Variants in ZNF714 observed in about 807,000 individuals in gnomAD.
ZNF714 encodes zinc finger protein 714.
A neutral mutation model predicts 46.2 loss-of-function variants in ZNF714; 32 were observed. The observed-to-expected ratio is 0.69, with a 90% CI of 0.52 to 0.93. ZNF714 has a LOEUF of 0.93. Ranked by LOEUF, ZNF714 falls within the 40% of genes least tolerant of loss-of-function variation. The pLI, the probability that ZNF714 is intolerant of heterozygous loss-of-function variation, is 0.00. For synonymous variants in ZNF714, 199 were observed against 213.1 expected, an observed-to-expected ratio of 0.93 and a Z score of 0.58; for missense variants, 635 against 646.3, an observed-to-expected ratio of 0.98 and a Z score of 0.19.
intron 4 of ZNF714, among the ~76,000 whole-genome samples, chr19:21,104,214 T>C (rs1443685560): frequency 7.0e-6 from 1 of 141,898 alleles, no homozygotes; most frequent in Non-Finnish European, 1.5e-5. Flanking sequence ...TTAATTATGA[T>C]AATATTTGAT....
intron 4 of ZNF714, among the ~76,000 whole-genome samples, chr19:21,105,311 G>C (rs143096165): frequency 6.6e-6 from 1 of 151,544 alleles, no homozygotes; most frequent in African/African-American, 2.4e-5. Context: ...GTGAGCCACC[G>C]GGCCTGGCCT....
At chr19:21,086,242 T>C (rs1245235462) in intron 2 of ZNF714, among the ~76,000 whole-genome samples, 1 of 152,170 alleles carries the variant, frequency 6.6e-6, no homozygotes, top group Non-Finnish European at 1.5e-5. Flanking sequence ...TGCAGAGTTC[T>C]TACTAGAACA....
In ZNF714 at chr19:21,124,966, G is replaced by A. The variant is rs1599560491; in HGVS notation, c.*6634G>A. On this transcript the variant is annotated 3_prime_UTR_variant, in exon 5 of 5. Coordinates refer to ENST00000456283, the MANE Select transcript of ZNF714 (RefSeq NM_182515.4). Reference sequence around the variant, plus strand: ...TTTTTTTTTTTTTTTTTAAGGCCAGGTGTGGTGTCTTACACCTGTAATCCC... The same window carrying A: ...TTTTTTTTTTTTTTTTTAAGGCCAGATGTGGTGTCTTACACCTGTAATCCC... 1 of 145,824 alleles carries A rather than the reference G, an allele frequency of 6.9e-6. No individual in the cohort carries two copies. The highest frequency in any genetic ancestry group is 2.1e-4 in the South Asian group (1 of 4,678). 9.0% of individuals were successfully genotyped at this position (145,824 alleles called of 1,614,324 possible).
chr19:21,098,764 G>A (rs1229587512), intron 3 of ZNF714, 48 bp from the exon 4 acceptor site: 12 of 1,351,742 alleles, frequency 8.9e-6, no homozygotes, highest in Non-Finnish European at 1.2e-5. Flanking sequence ...TACTAGGTTG[G>A]TAACTAGAGA....
At chr19:21,110,150 T>C (rs1969418068) in intron 4 of ZNF714, among the ~76,000 whole-genome samples, 1 of 152,250 alleles carries the variant, frequency 6.6e-6, no homozygotes, top group South Asian at 2.1e-4. Flanking sequence ...TATCTGGTTC[T>C]AGGTCTTTGA....
chr19:21,082,543 C>A (rs1471725195), intron 1 of ZNF714, among the ~76,000 whole-genome samples, 195 bp downstream of exon 1: 3 of 152,088 alleles, frequency 2.0e-5, no homozygotes, highest in African/African-American at 7.2e-5. Context: ...TCCCGGGCGT[C>A]CTGTCTTTTC....
intron 4 of ZNF714, among the ~76,000 whole-genome samples, chr19:21,116,549 T>C (rs1391168726): frequency 1.3e-5 from 2 of 152,178 alleles, no homozygotes; most frequent in Non-Finnish European, 2.9e-5. Flanking sequence ...GACTTTTCTT[T>C]TTCTTCTGTG....
Position 21,117,501 on chromosome 19 carries a change from T to C in ZNF714, c.837T>C (p.His279=), listed in dbSNP as rs746105402. The C allele has an allele frequency of 3.1e-6, 5 of 1,608,900 alleles. No individual in the cohort carries two copies. In the South Asian group the frequency reaches 3.3e-5, roughly 11 times the overall value. Residue 279 remains histidine, a synonymous_variant, in exon 5 of 5, where the codon CAT becomes CAC. Transcript: ENST00000456283. ...PSALTTHKFI[H]VKEKPYKCEE... ...CCCTTACTACACATAAGTTCATTCA[T>C]GTTAAAGAAAAACCCTACAAATGTG...
chr19:21,115,929 A>C (rs1367848556), intron 4 of ZNF714, among the ~76,000 whole-genome samples: 1 of 150,978 alleles, frequency 6.6e-6, no homozygotes, highest in East Asian at 1.9e-4. Context: ...TTACTCATTG[A>C]GTATTCAATT....
intron 4 of ZNF714, among the ~76,000 whole-genome samples, chr19:21,114,922 A>G (rs534841811): frequency 6.6e-6 from 1 of 151,412 alleles, no homozygotes; most frequent in African/African-American, 2.4e-5. Context: ...TAGTAGTGTT[A>G]TTTTATTGTT....
Position 21,118,072 on chromosome 19 carries a change from AAACAT to A in ZNF714, c.1416_1420del (p.Ile473SerfsTer10), listed in dbSNP as rs763110867. On this transcript the variant is annotated frameshift_variant, in exon 5 of 5. Coordinates refer to ENST00000456283, the MANE Select transcript of ZNF714 (RefSeq NM_182515.4). LOFTEE classifies it high-confidence loss of function. Reference sequence around the variant, plus strand: ...TTTCAACCGATCCTCAAACCTTACTAAACATAACATAATTCATACTGGAGAGAAAT... The same window carrying A: ...TTTCAACCGATCCTCAAACCTTACTAAACATAATTCATACTGGAGAGAAAT... 9.9e-6 allele frequency: 16 copies of A among 1,613,866 alleles called. No homozygotes were observed. Among genetic ancestry groups the A allele is most frequent in the South Asian group, 2.2e-5 (2 of 91,084 alleles).
intron 4 of ZNF714, among the ~76,000 whole-genome samples, chr19:21,100,264 C>G (rs111394601): frequency 0.13 from 19,995 of 151,966 alleles, 1,550 homozygotes; most frequent in Non-Finnish European, 0.17. Flanking sequence ...TGTCTCACAC[C>G]TGTAATCCCA....
intron 4 of ZNF714, among the ~76,000 whole-genome samples, chr19:21,111,516 A>G (rs970102939): frequency 1.3e-5 from 2 of 152,124 alleles, no homozygotes; most frequent in African/African-American, 4.8e-5. Context: ...GTCTGCAAAC[A>G]TGTCGTCTGC....
At chr19:21,086,904 A>G (rs75532533) in intron 2 of ZNF714, among the ~76,000 whole-genome samples, 3,279 of 152,270 alleles carry the variant, frequency 0.022, 48 homozygotes, top group Admixed American at 0.042. Context: ...TTTTTGCCTA[A>G]CTAGTCAGAG....
intron 4 of ZNF714, among the ~76,000 whole-genome samples, chr19:21,106,585 C>T (rs868808295): frequency 7.3e-6 from 1 of 137,678 alleles, no homozygotes; most frequent in Admixed American, 7.5e-5. Flanking sequence ...AAAAAAAAAA[C>T]AAATATTTTT....
chr19:21,100,508 G>T (rs1334507664), intron 4 of ZNF714, among the ~76,000 whole-genome samples: 1 of 151,892 alleles, frequency 6.6e-6, no homozygotes, highest in Non-Finnish European at 1.5e-5. Context: ...CTCCAGCCTG[G>T]GCAGCATGAG....
In ZNF714 at chr19:21,098,824, T is replaced by C. The variant is rs1165112598; in HGVS notation, c.56T>C (p.Val19Ala). ...KNLVFLAGIA[V>A]SKQDPITSLE... is the part of the protein sequence containing the mutation. ...ACTTTTAATAAAGCAGGTATTGCTG[T>C]CTCTAAGCAAGACCCGATCACCAGT... Residue 19 changes from valine to alanine, a missense_variant, in exon 4 of 5, where the codon GTC becomes GCC. By Grantham distance (64) the Val-to-Ala change is moderately conservative. Transcript: ENST00000456283. 2 of 1,606,740 alleles carry C rather than the reference T, an allele frequency of 1.2e-6. No homozygotes were observed. The highest frequency in any genetic ancestry group is 1.7e-6 in the Non-Finnish European group (2 of 1,176,776).
chr19:21,106,425 T>C (rs1969315421), intron 4 of ZNF714, among the ~76,000 whole-genome samples: 1 of 151,312 alleles, frequency 6.6e-6, no homozygotes, highest in African/African-American at 2.4e-5. Context: ...AAAAATTAGC[T>C]GGGCGTGGTG....
intron 4 of ZNF714, among the ~76,000 whole-genome samples, chr19:21,099,334 C>T (rs969038667): frequency 6.6e-6 from 1 of 151,990 alleles, no homozygotes; most frequent in African/African-American, 2.4e-5. Context: ...CCTGCCACCA[C>T]ACCCAGCTAA....
Sources: allele counts gnomAD v4.1 joint callset (sites outside exome capture counted in the v4.1 genomes callset), GRCh38; gene constraint gnomAD v4.1.1; transcripts MANE v1.5; gene names NCBI Gene and HGNC (gene_info 2026-07-23, HGNC 2026-07-21).